The following HMCN2 variants were observed in gnomAD, a reference collection of about 807,000 sequenced individuals.
HMCN2 encodes the protein hemicentin 2.
In HMCN2, 325 loss-of-function variants were observed where a neutral mutation model predicts 377.5. That is an observed-to-expected ratio of 0.86 (90% CI 0.79 to 0.94). The LOEUF (loss-of-function observed/expected upper bound fraction) is 0.94, where lower values mean the gene tolerates loss of function less well. HMCN2 is among the 40% of genes least tolerant of loss of function. HMCN2 has a pLI of 0.00. For synonymous variants in HMCN2, 2,007 were observed against 2,046.8 expected (o/e 0.98, Z 0.53); for missense variants, 4,543 against 4,725.3 (o/e 0.96, Z 1.13).
intron 79 of HMCN2, 75 bp downstream of exon 79, chr9:130,403,403 C>A: frequency 7.9e-7 from 1 of 1,266,758 alleles, no homozygotes; most frequent in Non-Finnish European, 1.0e-6. Context: ...GTCCTGCTTC[C>A]TGCCCTGGGA....
At chr9:130,427,723 G>A (rs1192862040) in intron 92 of HMCN2, 104 bp downstream of exon 92, 2 of 1,347,168 alleles carry the variant, frequency 1.5e-6, no homozygotes, top group African/African-American at 1.5e-5. Context: ...ACACAGACCT[G>A]CAGGGATGGC....
intron 33 of HMCN2, 26 bp from the exon 34 acceptor site, chr9:130,356,060 GAC>G (rs1253582339): frequency 1.6e-6 from 2 of 1,234,568 alleles, no homozygotes; most frequent in Admixed American, 2.7e-5. Context: ...GTCTCAGGTT[GAC>G]ACGCCCCCCT....
intron 19 of HMCN2, among the ~76,000 whole-genome samples, chr9:130,323,621 A>C (rs1837967335): frequency 6.6e-6 from 1 of 152,210 alleles, no homozygotes; most frequent in African/African-American, 2.4e-5. Flanking sequence ...TATGGGGAAG[A>C]CAAAAAAACT....
rs547334777 is a variant in HMCN2 at position 130,374,770 on chromosome 9, A to C, written c.7630+77A>C. The stretch of plus-strand genomic sequence containing the variant: ...CAAGGTGACTGGCTCCTTACAGACA[A>C]CTTCCCACAAACCATTCTACTATTT... On this transcript the variant is annotated intron_variant, in intron 49 of 97. Transcript: ENST00000683500. 6 of 701,230 alleles carry C rather than the reference A, an allele frequency of 8.6e-6. No homozygotes were observed. In the East Asian group the frequency reaches 6.7e-4, roughly 78 times the overall value. 43.4% of individuals were successfully genotyped at this position (701,230 alleles called of 1,614,324 possible). A position where few individuals can be genotyped will look rare whatever the true frequency, so the allele number is the denominator to read the frequency against.
intron 84 of HMCN2, among the ~76,000 whole-genome samples, chr9:130,409,907 G>C (rs1165793875): frequency 2.0e-5 from 3 of 152,168 alleles, no homozygotes. Context: ...CGTGGCCTCA[G>C]GCTGCCCCAG....
chr9:130,310,434 G>A (rs1554938698), intron 15 of HMCN2, among the ~76,000 whole-genome samples: 1 of 152,164 alleles, frequency 6.6e-6, no homozygotes, highest in African/African-American at 2.4e-5. Context: ...TCCACTCTAG[G>A]CTCACTCGTG....
In HMCN2 at chr9:130,406,089, C is replaced by T; in HGVS notation, c.12474C>T (p.Asp4158=). 7.8e-7 allele frequency: 1 copy of T among 1,289,876 alleles called. No homozygotes were observed. Among genetic ancestry groups the T allele is most frequent in the Non-Finnish European group, 1.0e-6 (1 of 988,888 alleles). 79.9% of individuals were successfully genotyped at this position (1,289,876 alleles called of 1,614,324 possible). The stretch of plus-strand genomic sequence containing the variant: ...GGGACCGCAGCCTGCGCCTTGGGGA[C>T]AGGCTGTGGCTTCGCTGTGCAGCCC... ...LPGDRSLRLG[D]RLWLRCAARG... The change falls in exon 82 of 98, where the codon GAC becomes GAT. Residue 4158 remains aspartate (D), a synonymous_variant. Transcript: ENST00000683500.
intron 4 of HMCN2, among the ~76,000 whole-genome samples, chr9:130,293,074 C>T (rs893347698): frequency 1.7e-4 from 26 of 152,112 alleles, no homozygotes; most frequent in Non-Finnish European, 2.4e-4. Flanking sequence ...ACTGATATTT[C>T]CAATTCAAAT....
In HMCN2 at chr9:130,430,623, C is replaced by T; in HGVS notation, c.14647+19C>T. ...TGCACAGGTAAGGCCAGGCCCTGACCATCCACGGGACACTGCCGTTATGGG... is the reference window on the plus strand; with the variant it reads ...TGCACAGGTAAGGCCAGGCCCTGACTATCCACGGGACACTGCCGTTATGGG... On this transcript the variant is annotated intron_variant, in intron 95 of 97. Transcript: ENST00000683500. 6.5e-7 allele frequency: 1 copy of T among 1,533,428 alleles called. No homozygotes were observed. Among genetic ancestry groups the T allele is most frequent in the Middle Eastern group, 1.7e-4 (1 of 5,896 alleles). The allele number at this position is 1,533,428 out of a possible 1,614,324, so 95.0% of individuals were successfully genotyped here.
rs547079752 is a variant in HMCN2, at chr9:130,427,327, G to T, written c.13894G>T (p.Gly4632Cys). ...TTGCTTTGCAGAGGAGAACGAGGTC[G>T]GCTGCCCCGAGGGCTTTGAGCTGGA... is the stretch of plus-strand genomic sequence containing the variant. ...TALQAEENEV[G>C]CPEGFELDSQ... Residue 4632 changes from glycine to cysteine, a missense_variant, in exon 91 of 98, where the codon GGC (glycine) becomes TGC (cysteine). Coordinates refer to ENST00000683500, the MANE Select transcript of HMCN2 (RefSeq NM_001291815.2). The T allele has an allele frequency of 6.4e-7, 1 of 1,550,534 alleles. No homozygotes were observed. The highest frequency in any genetic ancestry group is 1.4e-5 in the African/African-American group (1 of 73,176).
intron 86 of HMCN2, among the ~76,000 whole-genome samples, chr9:130,421,959 A>G (rs1224343890): frequency 6.6e-6 from 1 of 152,236 alleles, no homozygotes; most frequent in East Asian, 1.9e-4. Context: ...CTGCCTAAAC[A>G]AGACAGCTGG....
rs1841331089 is a variant in HMCN2 at position 130,375,596 on chromosome 9, G to A, written c.7664G>A (p.Ser2555Asn). Reference sequence around the variant, plus strand: ...ACCATCCTGGGAGGGGCCGAGGACAGTGCAGATGAGGAGGTGACCGTGACT... The same window carrying A: ...ACCATCCTGGGAGGGGCCGAGGACAATGCAGATGAGGAGGTGACCGTGACT... ...APTILGGAED[S>N]ADEEVTVTVN... Residue 2555 changes from serine (S) to asparagine (N), a missense_variant, in exon 50 of 98, where the codon AGT (serine) becomes AAT (asparagine). Transcript: ENST00000683500. 1.0e-6 allele frequency: 1 copy of A among 985,922 alleles called. No individual in the cohort carries two copies. Among genetic ancestry groups the A allele is most frequent in the Non-Finnish European group, 1.2e-6 (1 of 829,972 alleles). The allele number at this position is 985,922 out of a possible 1,614,324, so 61.1% of individuals were successfully genotyped here. A position where few individuals can be genotyped will look rare whatever the true frequency, so the allele number is the denominator to read the frequency against.
chr9:130,333,677 G>A lies in HMCN2; in HGVS notation c.3360-4217G>A, dbSNP rs1170004382. 5.3e-5 allele frequency among the ~76,000 whole-genome samples: 8 copies of A among 152,210 alleles called. No individual in the cohort carries two copies. In the East Asian group the frequency reaches 1.2e-3, roughly 22 times the overall value. ...CCTCCTCCCTTTCTCCCATCTCTCC[G>A]CTGCCGCCTCCCCTTCCCTGCTGGG... On this transcript the variant is annotated intron_variant, in intron 22 of 97. Coordinates refer to ENST00000683500, the MANE Select transcript of HMCN2 (RefSeq NM_001291815.2).
chr9:130,379,482 C>G lies in HMCN2; in HGVS notation c.8431+15C>G. ...TGTGCTGCAAGGTGGGTCAGGGGTGCGTGAAGAAAGTGGGCGCTTTGAGCT... is the reference window on the plus strand; with the variant it reads ...TGTGCTGCAAGGTGGGTCAGGGGTGGGTGAAGAAAGTGGGCGCTTTGAGCT... On this transcript the variant is annotated intron_variant, in intron 54 of 97. Transcript: ENST00000683500. 1.0e-6 allele frequency: 1 copy of G among 983,150 alleles called. No homozygotes were observed. The highest frequency in any genetic ancestry group is 1.2e-6 in the Non-Finnish European group (1 of 827,590). The allele number at this position is 983,150 out of a possible 1,614,324, so 60.9% of individuals were successfully genotyped here. A position where few individuals can be genotyped will look rare whatever the true frequency, so the allele number is the denominator to read the frequency against.
intron 11 of HMCN2, among the ~76,000 whole-genome samples, chr9:130,305,275 C>T (rs367860101): frequency 2.0e-5 from 3 of 152,124 alleles, no homozygotes; most frequent in Admixed American, 1.3e-4. Flanking sequence ...GTCCTTTTTC[C>T]GTGCCATCGA....
At chr9:130,420,936 T>G (rs922792619) in intron 86 of HMCN2, among the ~76,000 whole-genome samples, 1 of 152,132 alleles carries the variant, frequency 6.6e-6, no homozygotes, top group Non-Finnish European at 1.5e-5. Context: ...ATATTCTTCC[T>G]TTATATATGT....
intron 46 of HMCN2, 66 bp from the exon 47 acceptor site, chr9:130,372,223 AGCAGG>A: frequency 9.2e-6 from 4 of 435,572 alleles, no homozygotes; most frequent in Non-Finnish European, 1.2e-5. Flanking sequence ...CCTGCTGGGC[AGCAGG>A]GGGCTCGGCT....
Position 130,355,044 on chromosome 9 carries a change from G to A in HMCN2, c.5146G>A (p.Val1716Met), listed in dbSNP as rs1224156718. Residue 1716 changes from valine (V) to methionine (M), a missense_variant and splice_region_variant, in exon 32 of 98, where the codon GTG becomes ATG. Val to Met is a conservative substitution (Grantham distance 21). This residue lies in a region of HMCN2 where 1,032 missense variants were observed against 1,285.1 expected (regional missense o/e 0.80). Transcript: ENST00000683500. ...CCTGCAGTACTCCGTGGAGGTTCAG[G>A]GTGAGCCCGGCCCACCCCACTCAGA... is the stretch of plus-strand genomic sequence containing the variant. ...AVLQYSVEVQVPPQLLVAEGL... is the reference protein window; with the variant it reads ...AVLQYSVEVQMPPQLLVAEGL... 7.9e-7 allele frequency: 1 copy of A among 1,272,758 alleles called. No individual in the cohort carries two copies. Among genetic ancestry groups the A allele is most frequent in the Non-Finnish European group, 1.0e-6 (1 of 977,674 alleles). 78.8% of individuals were successfully genotyped at this position (1,272,758 alleles called of 1,614,324 possible). A position where few individuals can be genotyped will look rare whatever the true frequency, so the allele number is the denominator to read the frequency against.
rs894333173 is a variant in HMCN2, at chr9:130,418,990, G to A, written c.13180G>A (p.Ala4394Thr). ...TGDAGTYDCV[A>T]HNLLGSATAR... ...GGATGCAGGCACCTACGACTGCGTC[G>A]CTCACAACCTCCTGGGCTCTGCCAC... The change falls in exon 86 of 98, where the codon GCT (alanine) becomes ACT (threonine). Residue 4394 changes from alanine (A) to threonine (T), a missense_variant. Ala to Thr is a moderately conservative substitution (Grantham distance 58). This residue lies in a region of HMCN2 where 1,155 missense variants were observed against 1,157.7 expected (regional missense o/e 1.00). Coordinates refer to ENST00000683500, the MANE Select transcript of HMCN2 (RefSeq NM_001291815.2). 3.0e-5 allele frequency: 45 copies of A among 1,506,662 alleles called. No individual in the cohort carries two copies. Among genetic ancestry groups the A allele is most frequent in the Non-Finnish European group, 3.7e-5 (42 of 1,122,546 alleles). 93.3% of individuals were successfully genotyped at this position (1,506,662 alleles called of 1,614,324 possible).
Sources: allele counts gnomAD v4.1 joint callset (sites outside exome capture counted in the v4.1 genomes callset), GRCh38; gene constraint gnomAD v4.1.1; regional missense constraint gnomAD v4.1.1; transcripts MANE v1.5; gene names NCBI Gene and HGNC (gene_info 2026-07-23, HGNC 2026-07-21).